The following PCDH15 variants were observed in gnomAD, a reference collection of about 807,000 sequenced individuals.
PCDH15 encodes the protein protocadherin related 15.
PCDH15 carries 129 observed loss-of-function variants against 178.5 expected under a neutral mutation model. That is an observed-to-expected ratio of 0.72 (90% CI 0.63 to 0.84). PCDH15 has a LOEUF of 0.84. Among genes scored for constraint, PCDH15 ranks in the 40% least tolerant of loss-of-function variants. The pLI, the probability that PCDH15 is intolerant of heterozygous loss-of-function variation, is 0.00. For synonymous variants in PCDH15, 800 were observed against 732.0 expected, an observed-to-expected ratio of 1.09 and a Z score of -1.50; for missense variants, 2,230 against 2,099.9, an observed-to-expected ratio of 1.06 and a Z score of -1.21.
chr10:54,798,355 GACA>G (rs1470936076), intron 1 of PCDH15, among the ~76,000 whole-genome samples: 2 of 151,880 alleles, frequency 1.3e-5, no homozygotes, highest in African/African-American at 4.8e-5. Flanking sequence ...TAGTGTTAAC[GACA>G]ACAACAAAAT....
At chr10:54,720,094 T>A (rs991480580) in intron 1 of PCDH15, among the ~76,000 whole-genome samples, 2 of 152,096 alleles carry the variant, frequency 1.3e-5, no homozygotes, top group African/African-American at 4.8e-5. Context: ...ACACTCTTGG[T>A]GGGTATGTAA....
At chr10:54,491,984 C>G (rs1213701939) in intron 3 of PCDH15, among the ~76,000 whole-genome samples, 3 of 152,158 alleles carry the variant, frequency 2.0e-5, no homozygotes, top group Non-Finnish European at 4.4e-5. Flanking sequence ...TACACATCCT[C>G]TGATTATCAC....
chr10:53,953,204 A>G lies in PCDH15; in HGVS notation c.3122+6528T>C, dbSNP rs180690132. ...GTTGTCATCAAAAGGAATAGTATAC[A>G]GTATGAAGAGATATATATTTCAAAA... On this transcript the variant is annotated intron_variant, in intron 23 of 37. Coordinates refer to ENST00000644397, the MANE Select transcript of PCDH15 (RefSeq NM_001384140.1). Among the ~76,000 whole-genome samples, 628 of 152,388 alleles carry G rather than the reference A, an allele frequency of 4.1e-3. 1 individual carries two copies. The highest frequency in any genetic ancestry group is 0.017 in the Middle Eastern group (5 of 294).
chr10:54,672,065 G>T (rs1266096139), intron 1 of PCDH15, among the ~76,000 whole-genome samples: 1 of 151,990 alleles, frequency 6.6e-6, no homozygotes, highest in Non-Finnish European at 1.5e-5. Context: ...AGGGTTCCAG[G>T]TTGCATGTTC....
intron 2 of PCDH15, among the ~76,000 whole-genome samples, chr10:55,576,410 G>C (rs1234420331): frequency 6.6e-6 from 1 of 152,094 alleles, no homozygotes; most frequent in Admixed American, 6.6e-5. Context: ...GGGTGGCAGA[G>C]GTGAAAGAAA....
intron 2 of PCDH15, among the ~76,000 whole-genome samples, chr10:55,325,846 G>A (rs879851447): frequency 5.3e-5 from 8 of 151,980 alleles, no homozygotes; most frequent in Non-Finnish European, 8.8e-5. Flanking sequence ...TATGTTGTCT[G>A]ATAAAGATCT....
At chr10:53,922,931 C>A (rs2084126705) in intron 25 of PCDH15, among the ~76,000 whole-genome samples, 1 of 151,878 alleles carries the variant, frequency 6.6e-6, no homozygotes, top group Non-Finnish European at 1.5e-5. Context: ...ACTAAAAATA[C>A]AAAAAATAAG....
At chr10:55,112,352 G>A (rs1443455020) in intron 2 of PCDH15, among the ~76,000 whole-genome samples, 1 of 152,132 alleles carries the variant, frequency 6.6e-6, no homozygotes, top group Non-Finnish European at 1.5e-5. Context: ...GAAGATAAAG[G>A]CAGTCTGCTT....
intron 2 of PCDH15, among the ~76,000 whole-genome samples, chr10:54,952,870 A>G (rs1042962336): frequency 4.6e-5 from 7 of 151,614 alleles, no homozygotes; most frequent in Admixed American, 3.3e-4. Flanking sequence ...CTATATTCAC[A>G]TATAGTTTCA....
intron 2 of PCDH15, among the ~76,000 whole-genome samples, chr10:54,582,340 G>A (rs1297656269): frequency 1.3e-5 from 2 of 151,978 alleles, no homozygotes; most frequent in African/African-American, 4.8e-5. Flanking sequence ...ATTCCATAAA[G>A]ATTGTTAAGT....
At chr10:54,443,237 C>T (rs2075946150) in intron 3 of PCDH15, among the ~76,000 whole-genome samples, 1 of 151,498 alleles carries the variant, frequency 6.6e-6, no homozygotes, top group African/African-American at 2.4e-5. Context: ...CCTTCTTAGT[C>T]CCTATATTAA....
intron 11 of PCDH15, among the ~76,000 whole-genome samples, chr10:54,191,760 A>G (rs200618786): frequency 0.012 from 1,762 of 149,804 alleles, 36 homozygotes; most frequent in African/African-American, 0.035. Flanking sequence ...GCAAAAAAAA[A>G]AAAAAAAAAA....
chr10:53,923,378 C>T (rs1900423), intron 25 of PCDH15, among the ~76,000 whole-genome samples: 113,816 of 152,082 alleles, frequency 0.75, 43,040 homozygotes, highest in East Asian at 1. Flanking sequence ...TTGGGAAGAA[C>T]TGACTACGAG....
chr10:54,719,795 T>C (rs7098425), intron 1 of PCDH15, among the ~76,000 whole-genome samples: 7 of 151,862 alleles, frequency 4.6e-5, no homozygotes, highest in African/African-American at 1.7e-4. Context: ...TTTTGTTCCT[T>C]TGTTAGTTTG....
chr10:54,715,052 A>T (rs547210791), intron 1 of PCDH15, among the ~76,000 whole-genome samples: 3 of 152,168 alleles, frequency 2.0e-5, no homozygotes, highest in African/African-American at 7.2e-5. Flanking sequence ...AAATATTGAG[A>T]TTGCTGATAC....
chr10:54,968,189 T>C (rs1379530887), intron 2 of PCDH15, among the ~76,000 whole-genome samples: 1 of 152,160 alleles, frequency 6.6e-6, no homozygotes, highest in Non-Finnish European at 1.5e-5. Context: ...TGCTAATCTG[T>C]ATTCCAACGT....
intron 3 of PCDH15, among the ~76,000 whole-genome samples, chr10:54,445,975 A>C (rs564691153): frequency 6.6e-6 from 1 of 151,448 alleles, no homozygotes; most frequent in African/African-American, 2.4e-5. Flanking sequence ...TCTTCACAAC[A>C]CTGTATATGC....
chr10:54,284,098 G>A (rs957897992), intron 8 of PCDH15, among the ~76,000 whole-genome samples: 2 of 152,058 alleles, frequency 1.3e-5, no homozygotes, highest in South Asian at 4.1e-4. Flanking sequence ...GCCTCCCTAA[G>A]TGCTGGAATT....
intron 6 of PCDH15, among the ~76,000 whole-genome samples, chr10:54,339,603 G>C (rs1006528626): frequency 2.6e-5 from 4 of 152,170 alleles, no homozygotes; most frequent in Non-Finnish European, 5.9e-5. Context: ...CTGAACAATA[G>C]TGCAGACTGA....
Sources: gnomAD v4.1 joint callset for allele counts (sites outside exome capture counted in the v4.1 genomes callset) on GRCh38, gnomAD v4.1.1 for gene constraint, MANE v1.5 for transcripts, NCBI Gene and HGNC (gene_info 2026-07-23, HGNC 2026-07-21) for gene names.